ATP10A: variants seen among roughly 807,000 people sequenced by gnomAD.
ATP10A encodes the protein ATPase phospholipid transporting 10A (putative), also known as phospholipid-transporting ATPase VA.
A neutral mutation model predicts 147.8 loss-of-function variants in ATP10A; 111 were observed. That is an observed-to-expected ratio of 0.75 (90% CI 0.64 to 0.88). The LOEUF (loss-of-function observed/expected upper bound fraction) is 0.88. Ranked by LOEUF, ATP10A falls within the 40% of genes least tolerant of loss-of-function variation. The pLI is 0.00. For missense variants in ATP10A, 1,927 were observed against 1,959.0 expected (o/e 0.98, Z 0.31); for synonymous variants, 875 against 841.6 (o/e 1.04, Z -0.69).
intron 1 of ATP10A, among the ~76,000 whole-genome samples, chr15:25,804,369 A>T (rs554464857): frequency 1.3e-4 from 19 of 146,378 alleles, no homozygotes; most frequent in African/African-American, 4.4e-4. Context: ...GTTTGTGAGT[A>T]CATAGCATGG....
chr15:25,708,328 G>A (rs1229399175), intron 10 of ATP10A, 28 bp from the exon 11 acceptor site: 1 of 1,589,844 alleles, frequency 6.3e-7, no homozygotes. Flanking sequence ...CAGAAACATG[G>A]GTAAGAACTG....
intron 1 of ATP10A, among the ~76,000 whole-genome samples, chr15:25,802,850 G>A (rs996718218): frequency 6.6e-6 from 1 of 151,950 alleles, no homozygotes; most frequent in Non-Finnish European, 1.5e-5. Context: ...CTTCCCCTTT[G>A]CCCTACAACC....
intron 1 of ATP10A, among the ~76,000 whole-genome samples, chr15:25,822,694 T>A (rs1001894875): frequency 6.6e-6 from 1 of 152,144 alleles, no homozygotes; most frequent in Non-Finnish European, 1.5e-5. Context: ...CTCACACACA[T>A]ACAGAACCTG....
At chr15:25,776,219 A>C (rs1375607160) in intron 2 of ATP10A, among the ~76,000 whole-genome samples, 1 of 152,208 alleles carries the variant, frequency 6.6e-6, no homozygotes, top group Non-Finnish European at 1.5e-5. Flanking sequence ...TACCCACAGA[A>C]CATCTGAACG....
intron 2 of ATP10A, among the ~76,000 whole-genome samples, chr15:25,742,166 C>T (rs1887614793): frequency 1.4e-5 from 2 of 146,260 alleles, no homozygotes; most frequent in South Asian, 4.4e-4. Flanking sequence ...GAGAGTGCTG[C>T]GTCCCTGCCT....
chr15:25,688,244 T>C (rs915419429), intron 15 of ATP10A, among the ~76,000 whole-genome samples: 2 of 152,212 alleles, frequency 1.3e-5, no homozygotes, highest in African/African-American at 4.8e-5. Context: ...AAGCTGCTCC[T>C]GCCGTATGTA....
intron 2 of ATP10A, among the ~76,000 whole-genome samples, chr15:25,753,761 AGTTATATATATGATATAT>A (rs988355353): frequency 6.7e-6 from 1 of 148,576 alleles, no homozygotes; most frequent in Admixed American, 6.8e-5. Context: ...TATCATATAT[AGTTATATATATGATATAT>A]GTTATATATA....
chr15:25,699,873 A>G (rs955370757), intron 13 of ATP10A, among the ~76,000 whole-genome samples: 5 of 152,184 alleles, frequency 3.3e-5, no homozygotes, highest in Admixed American at 1.3e-4. Flanking sequence ...ATCTCCAAAA[A>G]GATAAAATAA....
intron 15 of ATP10A, among the ~76,000 whole-genome samples, chr15:25,688,712 A>G (rs1037256113): frequency 3.9e-5 from 6 of 152,238 alleles, no homozygotes; most frequent in African/African-American, 1.4e-4. Flanking sequence ...TAATATGTAG[A>G]AAGCAGTAAG....
chr15:25,854,310 T>A (rs1893416477), intron 1 of ATP10A, among the ~76,000 whole-genome samples: 1 of 152,260 alleles, frequency 6.6e-6, no homozygotes, highest in African/African-American at 2.4e-5. Flanking sequence ...TATCCACTGA[T>A]CATCCCCAGA....
chr15:25,735,014 T>A (rs953337006), intron 3 of ATP10A, among the ~76,000 whole-genome samples: 1 of 12,226 alleles, frequency 8.2e-5, no homozygotes, highest in Admixed American at 1.1e-3. Flanking sequence ...GGGGGGGGGG[T>A]GGGGGGGTGG....
rs753166427 is a variant in ATP10A, at chr15:25,680,346, C to T, written c.3679-38G>A. The T allele has an allele frequency of 3.8e-6, 6 of 1,589,054 alleles. No individual in the cohort carries two copies. In the East Asian group the frequency reaches 8.9e-5, roughly 24 times the overall value. On this transcript the variant is annotated intron_variant, in intron 19 of 20. Transcript: ENST00000555815. Reference sequence around the variant, plus strand: ...GAGAAAGAAAGGGCTTTTATTTCCACCTAAAAGTGACAACAATGACAATAA... The same window carrying T: ...GAGAAAGAAAGGGCTTTTATTTCCATCTAAAAGTGACAACAATGACAATAA...
intron 12 of ATP10A, among the ~76,000 whole-genome samples, chr15:25,705,297 C>T (rs905710644): frequency 1.3e-5 from 2 of 151,720 alleles, no homozygotes; most frequent in Non-Finnish European, 2.9e-5. Context: ...TTATCTGGGC[C>T]TGGTGGCACA....
chr15:25,689,948 C>G (rs936708692), intron 15 of ATP10A, among the ~76,000 whole-genome samples: 1 of 152,216 alleles, frequency 6.6e-6, no homozygotes, highest in Non-Finnish European at 1.5e-5. Context: ...AGGCACTGCC[C>G]CCATCAGATT....
At chr15:25,784,282 G>A (rs2140719589) in intron 1 of ATP10A, among the ~76,000 whole-genome samples, 1 of 152,282 alleles carries the variant, frequency 6.6e-6, no homozygotes, top group South Asian at 2.1e-4. Flanking sequence ...GGGTCCCCAG[G>A]AGACCGGGCA....
intron 2 of ATP10A, among the ~76,000 whole-genome samples, chr15:25,742,444 T>C (rs1326891961): frequency 2.6e-5 from 4 of 152,340 alleles, no homozygotes; most frequent in African/African-American, 7.2e-5. Flanking sequence ...CTTGTTAAAT[T>C]CTAGTTTAGA....
intron 1 of ATP10A, among the ~76,000 whole-genome samples, chr15:25,859,660 G>A (rs1445901886): frequency 6.6e-6 from 1 of 152,048 alleles, no homozygotes; most frequent in African/African-American, 2.4e-5. Context: ...AATCCATTAG[G>A]AGAAAATGGG....
Position 25,679,103 on chromosome 15 carries a change from C to A in ATP10A, c.*238G>T. 4.3e-6 allele frequency: 1 copy of A among 233,434 alleles called. No individual in the cohort carries two copies. The highest frequency in any genetic ancestry group is 8.0e-6 in the Non-Finnish European group (1 of 125,324). The allele number at this position is 233,434 out of a possible 1,614,324, so 14.5% of individuals were successfully genotyped here. A position where few individuals can be genotyped will look rare whatever the true frequency, so the allele number is the denominator to read the frequency against. ...AGATGAAAAAATAAATCTAAACACA[C>A]TTTTCAAGTGTTACTCTTCTTTAAA... On this transcript the variant is annotated 3_prime_UTR_variant, in exon 21 of 21. Coordinates refer to ENST00000555815, the MANE Select transcript of ATP10A (RefSeq NM_024490.4).
At chr15:25,727,917 G>C (rs1902679667) in intron 3 of ATP10A, among the ~76,000 whole-genome samples, 1 of 152,220 alleles carries the variant, frequency 6.6e-6, no homozygotes, top group Admixed American at 6.5e-5. Flanking sequence ...TGGCTGGGCA[G>C]TCTTGGGCTA....
Sources: gnomAD v4.1 joint callset for allele counts (sites outside exome capture counted in the v4.1 genomes callset) on GRCh38, gnomAD v4.1.1 for gene constraint, MANE v1.5 for transcripts, NCBI Gene and HGNC (gene_info 2026-07-23, HGNC 2026-07-21) for gene names.